The following ZNF385D variants were observed in gnomAD, a reference collection of about 807,000 sequenced individuals.
ZNF385D encodes the protein zinc finger protein 659.
Under a neutral mutation model 35.8 loss-of-function variants are expected in ZNF385D, and 15 were observed. The ratio of observed to expected loss-of-function variants is 0.42; its 90% CI spans 0.28 to 0.64. The LOEUF is 0.64. Among genes scored for constraint, ZNF385D ranks in the 30% least tolerant of loss-of-function variants. The pLI, the probability that ZNF385D is intolerant of heterozygous loss-of-function variation, is 0.23. For missense variants in ZNF385D, 474 were observed against 494.6 expected (o/e 0.96, Z 0.39); for synonymous variants, 212 against 186.8 (o/e 1.13, Z -1.10).
Position 21,518,891 on chromosome 3 carries a change from A to T in ZNF385D, c.277-7868T>A, listed in dbSNP as rs183584729. On this transcript the variant is annotated intron_variant, in intron 3 of 7. Coordinates refer to ENST00000281523, the MANE Select transcript of ZNF385D (RefSeq NM_024697.3). ...TTTATTTCTTAATTACATGCCCCATATAGAATATTTAATAATTCATTTCAA... is the reference window on the plus strand; with the variant it reads ...TTTATTTCTTAATTACATGCCCCATTTAGAATATTTAATAATTCATTTCAA... Among the ~76,000 whole-genome samples, 12 of 152,330 alleles carry T rather than the reference A, an allele frequency of 7.9e-5. No individual in the cohort carries two copies. In the East Asian group the frequency reaches 2.3e-3, roughly 29 times the overall value.
At chr3:21,609,359 A>C (rs1417964599) in intron 2 of ZNF385D, among the ~76,000 whole-genome samples, 2 of 152,232 alleles carry the variant, frequency 1.3e-5, no homozygotes, top group Admixed American at 1.3e-4. Flanking sequence ...AATTATAATA[A>C]GAAAAAAAGT....
In ZNF385D at chr3:21,750,937, C is replaced by T. The variant is rs763817823; in HGVS notation, c.-21G>A. 1.9e-6 allele frequency: 3 copies of T among 1,614,118 alleles called. No homozygotes were observed. Among genetic ancestry groups the T allele is most frequent in the South Asian group, 2.2e-5 (2 of 91,082 alleles). On this transcript the variant is annotated 5_prime_UTR_variant, in exon 1 of 8. The change creates a premature stop within an existing upstream ORF in the 5' untranslated region. Coordinates refer to ENST00000281523, the MANE Select transcript of ZNF385D (RefSeq NM_024697.3). The stretch of plus-strand genomic sequence containing the variant: ...CTCATTAATCAGACAGCTGGAATCC[C>T]ACCGCGGTGTCTTCAGCATCAGCTC...
At chr3:22,278,920 T>C (rs1220731138) in intron 2 of ZNF385D, among the ~76,000 whole-genome samples, 1 of 152,042 alleles carries the variant, frequency 6.6e-6, no homozygotes, top group Non-Finnish European at 1.5e-5. Flanking sequence ...TTCTCCTGCA[T>C]CTCCCACAGC....
chr3:21,841,089 C>A (rs985791498), intron 3 of ZNF385D, among the ~76,000 whole-genome samples: 1 of 151,916 alleles, frequency 6.6e-6, no homozygotes, highest in Admixed American at 6.6e-5. Context: ...AGAAAAGAAT[C>A]GTCAAAGGCA....
chr3:22,026,145 T>G (rs1189274522), intron 3 of ZNF385D, among the ~76,000 whole-genome samples: 1 of 152,168 alleles, frequency 6.6e-6, no homozygotes, highest in East Asian at 1.9e-4. Context: ...GGAAGCCTAC[T>G]GCATTCCTAC....
chr3:21,818,801 A>C (rs115284129), intron 3 of ZNF385D, among the ~76,000 whole-genome samples: 1 of 151,940 alleles, frequency 6.6e-6, no homozygotes, highest in South Asian at 2.1e-4. Flanking sequence ...ATATATTTTA[A>C]ATTTTCCTAT....
At chr3:21,994,310 A>C (rs561103817) in intron 3 of ZNF385D, among the ~76,000 whole-genome samples, 1 of 152,328 alleles carries the variant, frequency 6.6e-6, no homozygotes, top group South Asian at 2.1e-4. Context: ...ATTATGCCAA[A>C]GTGTTAATCC....
At chr3:21,639,963 G>A (rs1184060493) in intron 2 of ZNF385D, among the ~76,000 whole-genome samples, 1 of 151,962 alleles carries the variant, frequency 6.6e-6, no homozygotes, top group East Asian at 1.9e-4. Flanking sequence ...CACTTTTAGG[G>A]TTTTAAATGA....
chr3:22,304,047 A>T (rs1703070158), intron 2 of ZNF385D, among the ~76,000 whole-genome samples: 1 of 152,166 alleles, frequency 6.6e-6, no homozygotes, highest in South Asian at 2.1e-4. Flanking sequence ...CAGTGTTGGG[A>T]TTACAGGCGT....
intron 3 of ZNF385D, among the ~76,000 whole-genome samples, chr3:21,804,607 G>T (rs2072552780): frequency 6.6e-6 from 1 of 152,118 alleles, no homozygotes; most frequent in African/African-American, 2.4e-5. Flanking sequence ...AGAAAACAAG[G>T]GTTTGAATCC....
intron 2 of ZNF385D, among the ~76,000 whole-genome samples, chr3:22,317,315 A>C (rs1217626135): frequency 2.0e-5 from 3 of 150,134 alleles, no homozygotes; most frequent in Non-Finnish European, 4.4e-5. Flanking sequence ...AGGAAAAAAT[A>C]AAAGAAAAAA....
chr3:21,651,453 T>A (rs191287080), intron 2 of ZNF385D, among the ~76,000 whole-genome samples: 1 of 152,220 alleles, frequency 6.6e-6, no homozygotes, highest in Non-Finnish European at 1.5e-5. Context: ...CTGTGATCAC[T>A]AAATTATATT....
At chr3:22,259,465 T>C (rs1213812913) in intron 2 of ZNF385D, among the ~76,000 whole-genome samples, 3 of 151,946 alleles carry the variant, frequency 2.0e-5, no homozygotes, top group Non-Finnish European at 4.4e-5. Flanking sequence ...GAATTGACAT[T>C]CTATGATAAA....
chr3:21,758,620 C>G (rs1208696164), intron 3 of ZNF385D, among the ~76,000 whole-genome samples: 1 of 152,088 alleles, frequency 6.6e-6, no homozygotes, highest in Non-Finnish European at 1.5e-5. Context: ...CCTAGCTACA[C>G]TCTTAGAGGC....
chr3:22,216,091 C>T (rs1244602646), intron 2 of ZNF385D, among the ~76,000 whole-genome samples: 4 of 152,032 alleles, frequency 2.6e-5, no homozygotes, highest in Non-Finnish European at 4.4e-5. Flanking sequence ...CCTTTGTCTC[C>T]TCTGACTCAC....
chr3:21,683,625 AAG>A (rs2066987584), intron 1 of ZNF385D, among the ~76,000 whole-genome samples: 1 of 149,736 alleles, frequency 6.7e-6, no homozygotes, highest in Non-Finnish European at 1.5e-5. Context: ...TCAAAAAAAA[AAG>A]AGATTGTTCA....
At chr3:21,961,191 T>G (rs911212610) in intron 3 of ZNF385D, among the ~76,000 whole-genome samples, 1 of 152,024 alleles carries the variant, frequency 6.6e-6, no homozygotes, top group East Asian at 1.9e-4. Flanking sequence ...GTATGTGCAA[T>G]TAGAATATGT....
At chr3:22,151,900 T>C (rs962190559) in intron 3 of ZNF385D, among the ~76,000 whole-genome samples, 1 of 152,134 alleles carries the variant, frequency 6.6e-6, no homozygotes, top group Admixed American at 6.6e-5. Flanking sequence ...GCAGGTTATA[T>C]AGGTAAACTG....
chr3:21,421,315 C>T lies in ZNF385D; in HGVS notation c.1087G>A (p.Ala363Thr). Residue 363 changes from alanine to threonine, a missense_variant, in exon 8 of 8, where the codon GCA becomes ACA. Physicochemically the swap from Ala to Thr is moderately conservative, Grantham distance 58 (BLOSUM62 0). Transcript: ENST00000281523. ...AGCGCGGAAGTCTGGAACAGTGTTG[C>T]TGCTGGAGCAGTTCGAAGACTGAAG... Reference protein sequence around the residue: ...SPFSLRTAPAATLFQTSALPP... With the variant: ...SPFSLRTAPATTLFQTSALPP... 1 of 1,614,014 alleles carries T rather than the reference C, an allele frequency of 6.2e-7. No homozygotes were observed. Among genetic ancestry groups the T allele is most frequent in the Non-Finnish European group, 8.5e-7 (1 of 1,179,938 alleles).
Sources: gnomAD v4.1 joint callset for allele counts (sites outside exome capture counted in the v4.1 genomes callset) on GRCh38, gnomAD v4.1.1 for gene constraint, MANE v1.5 for transcripts, NCBI Gene and HGNC (gene_info 2026-07-23, HGNC 2026-07-21) for gene names.